The following DPP10 variants were observed in gnomAD, a reference collection of about 807,000 sequenced individuals.
The protein encoded by DPP10 is inactive dipeptidyl peptidase 10.
In DPP10, 33 loss-of-function variants were observed where a neutral mutation model predicts 120.9. The observed-to-expected ratio is 0.27, with a 90% CI of 0.21 to 0.37. The LOEUF (loss-of-function observed/expected upper bound fraction) is 0.37. Ranked by LOEUF, DPP10 falls within the 10% of genes least tolerant of loss-of-function variation. DPP10 has a pLI of 1.00. For synonymous variants in DPP10, 337 were observed against 326.1 expected, an observed-to-expected ratio of 1.03 and a Z score of -0.36; for missense variants, 816 against 942.8, an observed-to-expected ratio of 0.87 and a Z score of 1.76.
At chr2:115,300,428 T>C in intron 1 of DPP10, among the ~76,000 whole-genome samples, 1 of 152,082 alleles carries the variant, frequency 6.6e-6, no homozygotes, top group East Asian at 1.9e-4. Flanking sequence ...AGCTGCATAA[T>C]ACTCATACAT....
At chr2:115,522,112 CT>C (rs1323542480) in intron 4 of DPP10, among the ~76,000 whole-genome samples, 1 of 151,994 alleles carries the variant, frequency 6.6e-6, no homozygotes, top group African/African-American at 2.4e-5. Context: ...TGCTTTCTAA[CT>C]TTTTTGAAAA....
At chr2:114,484,757 A>G (rs1286410500) in intron 1 of DPP10, among the ~76,000 whole-genome samples, 1 of 152,176 alleles carries the variant, frequency 6.6e-6, no homozygotes, top group Non-Finnish European at 1.5e-5. Flanking sequence ...TTTGAAAGAC[A>G]TTGACATATA....
intron 7 of DPP10, among the ~76,000 whole-genome samples, chr2:115,709,053 C>T (rs1324383155): frequency 3.3e-5 from 5 of 152,112 alleles, no homozygotes; most frequent in African/African-American, 7.2e-5. Flanking sequence ...ACATAAAAAG[C>T]TACCCAAGGA....
intron 1 of DPP10, among the ~76,000 whole-genome samples, chr2:114,983,464 T>C (rs1463709210): frequency 1.3e-5 from 2 of 152,214 alleles, no homozygotes; most frequent in African/African-American, 2.4e-5. Flanking sequence ...CTTATTGAAA[T>C]ATAGGACATT....
At chr2:115,493,162 T>A (rs1462929782) in intron 3 of DPP10, among the ~76,000 whole-genome samples, 1 of 152,026 alleles carries the variant, frequency 6.6e-6, no homozygotes, top group Non-Finnish European at 1.5e-5. Flanking sequence ...AAGTATTGTG[T>A]TGAATTGATT....
intron 1 of DPP10, among the ~76,000 whole-genome samples, chr2:114,646,001 A>C (rs1156590091): frequency 1.3e-5 from 2 of 151,890 alleles, no homozygotes; most frequent in Non-Finnish European, 1.5e-5. Flanking sequence ...CTCTACTAAA[A>C]ATACAAAAAC....
At chr2:115,501,339 A>G (rs952218199) in intron 4 of DPP10, among the ~76,000 whole-genome samples, 1 of 152,224 alleles carries the variant, frequency 6.6e-6, no homozygotes, top group East Asian at 1.9e-4. Context: ...CAGAACTTTT[A>G]GATTATTATT....
chr2:114,641,864 C>G (rs1184955865), intron 1 of DPP10, among the ~76,000 whole-genome samples: 2 of 151,832 alleles, frequency 1.3e-5, no homozygotes, highest in Non-Finnish European at 2.9e-5. Context: ...AAGCACAAAA[C>G]CAACCTCATC....
intron 5 of DPP10, among the ~76,000 whole-genome samples, chr2:115,618,740 A>G (rs900760040): frequency 1.3e-5 from 2 of 152,204 alleles, no homozygotes; most frequent in African/African-American, 4.8e-5. Flanking sequence ...GCATTCACTT[A>G]GACTAGGATG....
intron 4 of DPP10, among the ~76,000 whole-genome samples, chr2:115,506,250 A>T (rs2076936329): frequency 6.6e-6 from 1 of 152,142 alleles, no homozygotes; most frequent in South Asian, 2.1e-4. Context: ...GAAATATATT[A>T]AATTAGTATT....
chr2:114,823,332 G>T (rs1056119227), intron 1 of DPP10, among the ~76,000 whole-genome samples: 1 of 152,034 alleles, frequency 6.6e-6, no homozygotes, highest in African/African-American at 2.4e-5. Context: ...AACAGCATGG[G>T]AGAACCACCC....
Position 115,689,874 on chromosome 2 carries a change from G to T in DPP10, c.529G>T (p.Asp177Tyr). The change falls in exon 7 of 26, where the codon GAC becomes TAC. Residue 177 changes from aspartate to tyrosine, a missense_variant. Asp to Tyr is a radical substitution (Grantham distance 160). Around this residue, in one of 3 missense-constraint regions of DPP10, gnomAD observed 182 missense variants for 207.4 expected, o/e 0.88. Coordinates refer to ENST00000410059, the MANE Select transcript of DPP10 (RefSeq NM_020868.6). ...VWELNPPEVE[D>Y]SVLQYAAWGV... ...GGAGTTAAATCCTCCAGAAGTAGAG[G>T]ACTCCGTCTTGCAGTACGCGGCCTG... The T allele has an allele frequency of 6.2e-7, 1 of 1,613,826 alleles. No individual in the cohort carries two copies. Among genetic ancestry groups the T allele is most frequent in the Non-Finnish European group, 8.5e-7 (1 of 1,179,930 alleles).
At chr2:115,566,058 G>C (rs1003957945) in intron 5 of DPP10, among the ~76,000 whole-genome samples, 1 of 151,854 alleles carries the variant, frequency 6.6e-6, no homozygotes, top group Non-Finnish European at 1.5e-5. Context: ...AAGTGCTGTA[G>C]TTACAAACAT....
chr2:115,071,742 G>GGCGT (rs1225172769), intron 1 of DPP10, among the ~76,000 whole-genome samples: 1 of 152,120 alleles, frequency 6.6e-6, no homozygotes, highest in Non-Finnish European at 1.5e-5. Context: ...AGTAGGTGAG[G>GGCGT]GCGTGGCTGA....
chr2:114,972,951 T>A (rs1031620149), intron 1 of DPP10, among the ~76,000 whole-genome samples: 5 of 152,234 alleles, frequency 3.3e-5, no homozygotes, highest in African/African-American at 1.2e-4. Context: ...CTGTCCAGCA[T>A]CCAGAACACA....
intron 5 of DPP10, among the ~76,000 whole-genome samples, chr2:115,652,893 C>A (rs1043771997): frequency 7.9e-5 from 12 of 151,874 alleles, no homozygotes; most frequent in African/African-American, 2.9e-4. Flanking sequence ...TGACTGGACA[C>A]CCTGTGGTCC....
chr2:115,739,943 TG>T (rs1354798763), intron 9 of DPP10, 50 bp downstream of exon 9: 1 of 1,580,902 alleles, frequency 6.3e-7, no homozygotes, highest in African/African-American at 1.4e-5. Context: ...TCTGCACTAG[TG>T]ACTTGACAGA....
At chr2:114,799,762 T>C (rs1340321412) in intron 1 of DPP10, among the ~76,000 whole-genome samples, 2 of 152,136 alleles carry the variant, frequency 1.3e-5, no homozygotes, top group Non-Finnish European at 2.9e-5. Context: ...GAGAAATACC[T>C]AAGAAGTAGC....
intron 1 of DPP10, among the ~76,000 whole-genome samples, chr2:114,782,592 GTGT>G (rs1336563289): frequency 2.6e-5 from 4 of 152,094 alleles, no homozygotes; most frequent in South Asian, 2.1e-4. Context: ...GGTCAATTGA[GTGT>G]TGTTGTTTTC....
Sources: allele counts gnomAD v4.1 joint callset (sites outside exome capture counted in the v4.1 genomes callset), GRCh38; gene constraint gnomAD v4.1.1; regional missense constraint gnomAD v4.1.1; transcripts MANE v1.5; gene names NCBI Gene and HGNC (gene_info 2026-07-23, HGNC 2026-07-21).